The following TRIO variants were observed in gnomAD, a reference collection of about 807,000 sequenced individuals.
TRIO encodes triple functional domain protein.
TRIO carries 58 observed loss-of-function variants against 351.9 expected under a neutral mutation model. That is an observed-to-expected ratio of 0.16 (90% confidence interval 0.13 to 0.21). TRIO has a LOEUF of 0.21. TRIO is among the 10% of genes least tolerant of loss of function. The probability of loss-of-function intolerance (pLI) is 1.00; values close to 1 mark genes in which losing one functional copy is unlikely to be tolerated. For synonymous variants in TRIO, 1,758 were observed against 1,595.7 expected, an observed-to-expected ratio of 1.10 and a Z score of -2.42; for missense variants, 3,201 against 4,027.8, an observed-to-expected ratio of 0.79 and a Z score of 5.56.
intron 20 of TRIO, among the ~76,000 whole-genome samples, chr5:14,379,675 C>G (rs1162211131): frequency 6.6e-6 from 1 of 152,226 alleles, no homozygotes; most frequent in Non-Finnish European, 1.5e-5. Flanking sequence ...ACTTTATTAT[C>G]TCTCTTGAAA....
Position 14,481,570 on chromosome 5 carries a change from C to T in TRIO, c.6417C>T (p.Pro2139=), listed in dbSNP as rs1755518795. 1 of 1,613,990 alleles carries T rather than the reference C, an allele frequency of 6.2e-7. No individual in the cohort carries two copies. Among genetic ancestry groups the T allele is most frequent in the African/African-American group, 1.3e-5 (1 of 74,874 alleles). Reference sequence around the variant, plus strand: ...CTGTGGAAGTCATGTGCATAGTACCCAGGCGGTGCAACGACATGATGAACG... The same window carrying T: ...CTGTGGAAGTCATGTGCATAGTACCTAGGCGGTGCAACGACATGATGAACG... ...ERAVEVMCIV[P]RRCNDMMNVG... Residue 2139 remains proline (P), a synonymous_variant, in exon 45 of 57, where the codon CCC becomes CCT. Transcript: ENST00000344204.
chr5:14,174,813 G>A (rs769909099), intron 1 of TRIO, among the ~76,000 whole-genome samples: 18 of 152,120 alleles, frequency 1.2e-4, no homozygotes, highest in South Asian at 2.1e-4. Context: ...CTTTATTTTC[G>A]TGGATCTCAA....
intron 11 of TRIO, among the ~76,000 whole-genome samples, chr5:14,340,854 G>C (rs1741880746): frequency 1.3e-5 from 2 of 152,134 alleles, no homozygotes; most frequent in Admixed American, 6.5e-5. Flanking sequence ...TTACCTAGGG[G>C]ACAAATATTT....
chr5:14,371,866 TC>T (rs1745141721), intron 18 of TRIO, among the ~76,000 whole-genome samples: 1 of 152,102 alleles, frequency 6.6e-6, no homozygotes. Flanking sequence ...GGTCTCAAAC[TC>T]CTGGGCTCAA....
intron 34 of TRIO, among the ~76,000 whole-genome samples, chr5:14,455,413 T>C (rs1753209089): frequency 6.6e-6 from 1 of 151,402 alleles, no homozygotes; most frequent in Non-Finnish European, 1.5e-5. Context: ...CCCCACTAGA[T>C]TAACTAGACA....
chr5:14,362,453 G>A (rs1489383075), intron 13 of TRIO, among the ~76,000 whole-genome samples: 4 of 152,108 alleles, frequency 2.6e-5, no homozygotes, highest in Non-Finnish European at 5.9e-5. Flanking sequence ...TGTGTTTAAT[G>A]GTCAGTTTCT....
At chr5:14,346,353 G>A (rs1458909990) in intron 11 of TRIO, among the ~76,000 whole-genome samples, 1 of 152,192 alleles carries the variant, frequency 6.6e-6, no homozygotes, top group East Asian at 1.9e-4. Context: ...AGCCCCAAAT[G>A]GTGAAGGCTT....
chr5:14,319,202 T>C (rs1739651269), intron 9 of TRIO, among the ~76,000 whole-genome samples: 1 of 152,236 alleles, frequency 6.6e-6, no homozygotes, highest in African/African-American at 2.4e-5. Flanking sequence ...ACATAATGCA[T>C]ATATGGTCCT....
At chr5:14,251,879 G>T (rs1794765238) in intron 1 of TRIO, among the ~76,000 whole-genome samples, 1 of 151,864 alleles carries the variant, frequency 6.6e-6, no homozygotes, top group South Asian at 2.1e-4. Flanking sequence ...CTGAGAGGAG[G>T]CTGAGGTAGA....
chr5:14,413,537 TC>T (rs1318362042), intron 33 of TRIO, among the ~76,000 whole-genome samples: 4 of 152,246 alleles, frequency 2.6e-5, no homozygotes, highest in African/African-American at 2.4e-5. Context: ...GACGTCTGCT[TC>T]CTTCTTTTAC....
chr5:14,476,810 A>G lies in TRIO; in HGVS notation c.6084-84A>G, dbSNP rs989188673. 12 of 1,028,746 alleles carry G rather than the reference A, an allele frequency of 1.2e-5. No individual in the cohort carries two copies. In the African/African-American group the frequency reaches 1.3e-4, roughly 11 times the overall value. The allele number at this position is 1,028,746 out of a possible 1,614,324, so 63.7% of individuals were successfully genotyped here. On this transcript the variant is annotated intron_variant, in intron 40 of 56. Coordinates refer to ENST00000344204, the MANE Select transcript of TRIO (RefSeq NM_007118.4). Reference sequence around the variant, plus strand: ...CTCTCTCAAAAAAAAAAAAGAAAAAAAGAAAAAGAAAAAATGTAAACCTAA... The same window carrying G: ...CTCTCTCAAAAAAAAAAAAGAAAAAGAGAAAAAGAAAAAATGTAAACCTAA...
At chr5:14,449,909 G>A (rs775640706) in intron 34 of TRIO, among the ~76,000 whole-genome samples, 1 of 152,150 alleles carries the variant, frequency 6.6e-6, no homozygotes, top group Non-Finnish European at 1.5e-5. Flanking sequence ...AATTTCAGTG[G>A]TGAAAATAAA....
chr5:14,289,705 C>T (rs1561296863), intron 4 of TRIO, among the ~76,000 whole-genome samples: 1 of 151,888 alleles, frequency 6.6e-6, no homozygotes, highest in Non-Finnish European at 1.5e-5. Context: ...AAAGAATTAG[C>T]CTGGTGTGGT....
intron 6 of TRIO, among the ~76,000 whole-genome samples, chr5:14,296,647 C>T (rs930367525): frequency 1.2e-4 from 18 of 152,124 alleles, no homozygotes; most frequent in Admixed American, 1.3e-4. Context: ...TTGCTAGGTA[C>T]GTGTTTTTGG....
chr5:14,286,865 C>T lies in TRIO; in HGVS notation c.348-6C>T, dbSNP rs780692907. 21 of 1,610,304 alleles carry T rather than the reference C, an allele frequency of 1.3e-5. No individual in the cohort carries two copies. In the South Asian group the frequency reaches 2.3e-4, roughly 18 times the overall value. The stretch of plus-strand genomic sequence containing the variant: ...CCGTCTTCAGCCATGTTTTCTTTCT[C>T]TGCAGCGAGGAGGTCTGCAAGCGTG... On this transcript the variant is annotated splice_polypyrimidine_tract_variant and splice_region_variant and intron_variant, in intron 3 of 56. Coordinates refer to ENST00000344204, the MANE Select transcript of TRIO (RefSeq NM_007118.4). This position sits in a 1 kb window ranked among gnomAD's most constrained non-coding sequence, Gnocchi z 4.4.
At chr5:14,399,878 T>C (rs574690969) in intron 30 of TRIO, among the ~76,000 whole-genome samples, 17 of 152,246 alleles carry the variant, frequency 1.1e-4, no homozygotes, top group African/African-American at 4.1e-4. Flanking sequence ...GGAATCATCA[T>C]CAAGAAAAGA....
intron 9 of TRIO, among the ~76,000 whole-genome samples, chr5:14,327,409 C>G (rs940992456): frequency 2.0e-5 from 3 of 152,166 alleles, no homozygotes; most frequent in African/African-American, 7.2e-5. Context: ...GGTGATCTGC[C>G]CACCTTGGCC....
intron 1 of TRIO, among the ~76,000 whole-genome samples, chr5:14,190,832 T>TACAC (rs375774096): frequency 3.9e-5 from 6 of 152,062 alleles, no homozygotes; most frequent in South Asian, 2.1e-4. Context: ...AGGACAAATA[T>TACAC]ACACACACAC....
At chr5:14,181,276 C>G (rs1222106591) in intron 1 of TRIO, among the ~76,000 whole-genome samples, 1 of 152,166 alleles carries the variant, frequency 6.6e-6, no homozygotes. Context: ...AGGAAATGTC[C>G]TTTCAGATAC....
Sources: allele counts gnomAD v4.1 joint callset (sites outside exome capture counted in the v4.1 genomes callset), GRCh38; gene constraint gnomAD v4.1.1; non-coding constraint Gnocchi (gnomAD v3.1); transcripts MANE v1.5; gene names NCBI Gene and HGNC (gene_info 2026-07-23, HGNC 2026-07-21).